Variants in GPC5 observed in about 807,000 individuals in gnomAD.
The protein encoded by GPC5 is glypican-5.
In GPC5, 47 loss-of-function variants were observed where a neutral mutation model predicts 53.9. The observed-to-expected ratio is 0.87, with a 90% CI of 0.69 to 1.11. GPC5 has a LOEUF of 1.11. Ranked by LOEUF, GPC5 falls within the 50% of genes most tolerant of loss-of-function variation. GPC5 has a pLI of 0.00. For missense variants in GPC5, 748 were observed against 713.1 expected, an observed-to-expected ratio of 1.05 and a Z score of -0.56; for synonymous variants, 286 against 263.3, an observed-to-expected ratio of 1.09 and a Z score of -0.84.
intron 6 of GPC5, among the ~76,000 whole-genome samples, chr13:92,138,671 G>C (rs532790226): frequency 6.6e-6 from 1 of 152,282 alleles, no homozygotes; most frequent in Admixed American, 6.5e-5. Flanking sequence ...TTGTTGGGAA[G>C]GGCTCCTCTT....
At chr13:91,643,688 C>T (rs2034488702) in intron 2 of GPC5, among the ~76,000 whole-genome samples, 1 of 152,162 alleles carries the variant, frequency 6.6e-6, no homozygotes, top group African/African-American at 2.4e-5. Flanking sequence ...TAGCTTCTTG[C>T]AGCTTGCTGG....
intron 7 of GPC5, among the ~76,000 whole-genome samples, chr13:92,613,402 TTATA>T (rs1566320416): frequency 2.0e-4 from 16 of 80,070 alleles, no homozygotes; most frequent in South Asian, 8.3e-4. Context: ...TAAATATATA[TTATA>T]TTATATATAA....
intron 7 of GPC5, among the ~76,000 whole-genome samples, chr13:92,496,635 T>C (rs893439520): frequency 6.6e-6 from 1 of 152,158 alleles, no homozygotes; most frequent in Non-Finnish European, 1.5e-5. Flanking sequence ...TGGGTGTGGA[T>C]TGACGACCAA....
intron 7 of GPC5, among the ~76,000 whole-genome samples, chr13:92,262,709 A>C (rs2139143369): frequency 6.6e-6 from 1 of 152,334 alleles, no homozygotes; most frequent in South Asian, 2.1e-4. Context: ...TATTACTTAC[A>C]AGTGATTTAA....
chr13:92,385,648 T>C (rs889718362), intron 7 of GPC5, among the ~76,000 whole-genome samples: 1 of 141,908 alleles, frequency 7.0e-6, no homozygotes, highest in Non-Finnish European at 1.5e-5. Flanking sequence ...TATACCTATA[T>C]ACACATATAT....
intron 2 of GPC5, among the ~76,000 whole-genome samples, chr13:91,516,826 C>G (rs1257343118): frequency 6.6e-6 from 1 of 152,170 alleles, no homozygotes; most frequent in East Asian, 1.9e-4. Context: ...GTTCCCAAAC[C>G]TAAGTTCTTG....
At chr13:91,570,449 T>C (rs2031730583) in intron 2 of GPC5, among the ~76,000 whole-genome samples, 1 of 152,160 alleles carries the variant, frequency 6.6e-6, no homozygotes, top group African/African-American at 2.4e-5. Flanking sequence ...CCCAAAGCAC[T>C]TGTGTTCCAA....
intron 2 of GPC5, among the ~76,000 whole-genome samples, chr13:91,687,537 T>G (rs2035648739): frequency 1.3e-5 from 2 of 152,076 alleles, no homozygotes; most frequent in African/African-American, 4.8e-5. Context: ...AATGATTTTA[T>G]GTGTAGATAA....
At chr13:92,692,041 TA>T (rs1201535029) in intron 7 of GPC5, among the ~76,000 whole-genome samples, 1 of 152,178 alleles carries the variant, frequency 6.6e-6, no homozygotes, top group African/African-American at 2.4e-5. Context: ...CTCCCCCATC[TA>T]ATAGTCTTCA....
In GPC5 at chr13:92,569,945, C is replaced by G. The variant is rs185826121; in HGVS notation, c.1562-296337C>G. ...CTTTATGGTCAAATGCAGAATATTTCAGTCTGCAATTTCCCATTTAATTCT... is the reference window on the plus strand; with the variant it reads ...CTTTATGGTCAAATGCAGAATATTTGAGTCTGCAATTTCCCATTTAATTCT... On this transcript the variant is annotated intron_variant, in intron 7 of 7. Coordinates refer to ENST00000377067, the MANE Select transcript of GPC5 (RefSeq NM_004466.6). 1.5e-3 allele frequency among the ~76,000 whole-genome samples: 233 copies of G among 152,240 alleles called. 1 individual carries two copies. The highest frequency in any genetic ancestry group is 5.4e-3 in the African/African-American group (225 of 41,550).
At chr13:92,736,263 C>T (rs576272679) in intron 7 of GPC5, among the ~76,000 whole-genome samples, 5 of 151,976 alleles carry the variant, frequency 3.3e-5, no homozygotes, top group Admixed American at 3.3e-4. Flanking sequence ...GTTTTTCACC[C>T]AAATATATTC....
chr13:91,566,885 C>A (rs1377105606), intron 2 of GPC5, among the ~76,000 whole-genome samples: 4 of 150,580 alleles, frequency 2.7e-5, no homozygotes, highest in African/African-American at 4.9e-5. Context: ...TCAAAATAAA[C>A]CATTTGAAAG....
chr13:92,300,946 G>C (rs1247854070), intron 7 of GPC5, among the ~76,000 whole-genome samples: 1 of 152,068 alleles, frequency 6.6e-6, no homozygotes, highest in Non-Finnish European at 1.5e-5. Context: ...ATTGAAAACT[G>C]GTAAAAACTG....
chr13:91,446,967 C>T (rs570643842), intron 1 of GPC5, among the ~76,000 whole-genome samples: 43 of 152,116 alleles, frequency 2.8e-4, no homozygotes, highest in Admixed American at 1.4e-3. Flanking sequence ...CAAGAGAGAG[C>T]TTGGTGAACA....
intron 7 of GPC5, among the ~76,000 whole-genome samples, chr13:92,856,407 G>T (rs768780854): frequency 6.6e-6 from 1 of 152,022 alleles, no homozygotes; most frequent in Non-Finnish European, 1.5e-5. Flanking sequence ...GCAAAAGCTA[G>T]AAGTGTTTCC....
intron 7 of GPC5, among the ~76,000 whole-genome samples, chr13:92,754,109 C>T (rs1477575646): frequency 1.3e-5 from 2 of 152,128 alleles, no homozygotes; most frequent in Non-Finnish European, 2.9e-5. Context: ...AATGGAAGCC[C>T]GTCAGACTAA....
rs1200849314 is a variant in GPC5 at position 91,948,218 on chromosome 13, ACT to A, written c.1401+40164_1401+40165del. 2.6e-4 allele frequency among the ~76,000 whole-genome samples: 23 copies of A among 90,038 alleles called. No individual in the cohort carries two copies. In the Admixed American group the frequency reaches 2.8e-3, roughly 11 times the overall value. 59.1% of individuals were successfully genotyped at this position (90,038 alleles called of 152,430 possible). On this transcript the variant is annotated intron_variant, in intron 6 of 7. Coordinates refer to ENST00000377067, the MANE Select transcript of GPC5 (RefSeq NM_004466.6). ...ATTCCAGCCTGGGCGACAGAGGGAG[ACT>A]CTGTCTCAAAAAAAAAAAAAAAATA...
At chr13:92,199,720 C>T (rs1361574775) in intron 7 of GPC5, among the ~76,000 whole-genome samples, 1 of 152,102 alleles carries the variant, frequency 6.6e-6, no homozygotes, top group Non-Finnish European at 1.5e-5. Context: ...TCTGTCCACG[C>T]AAGAGACTTG....
At chr13:91,788,961 C>G (rs530908363) in intron 5 of GPC5, among the ~76,000 whole-genome samples, 1 of 152,124 alleles carries the variant, frequency 6.6e-6, no homozygotes, top group Non-Finnish European at 1.5e-5. Flanking sequence ...GATCTGTAAT[C>G]CCAGCACTTT....
Sources: gnomAD v4.1 joint callset for allele counts (sites outside exome capture counted in the v4.1 genomes callset) on GRCh38, gnomAD v4.1.1 for gene constraint, MANE v1.5 for transcripts, NCBI Gene and HGNC (gene_info 2026-07-23, HGNC 2026-07-21) for gene names.